The following ZBTB20 variants were observed in gnomAD, a reference collection of about 807,000 sequenced individuals.
ZBTB20 encodes zinc finger and BTB domain containing 20.
A neutral mutation model predicts 56.9 loss-of-function variants in ZBTB20; 9 were observed. That is an observed-to-expected ratio of 0.16 (90% confidence interval 0.10 to 0.28). ZBTB20 has a LOEUF of 0.28. Ranked by LOEUF, ZBTB20 falls within the 10% of genes least tolerant of loss-of-function variation. The pLI, the probability that ZBTB20 is intolerant of heterozygous loss-of-function variation, is 1.00. For synonymous variants in ZBTB20, 417 were observed against 420.7 expected, an observed-to-expected ratio of 0.99 and a Z score of 0.11; for missense variants, 655 against 1,003.0, an observed-to-expected ratio of 0.65 and a Z score of 4.69.
At chr3:114,850,367 T>C (rs184808171) in intron 4 of ZBTB20, among the ~76,000 whole-genome samples, 53 of 152,322 alleles carry the variant, frequency 3.5e-4, no homozygotes, top group African/African-American at 1.2e-3. Context: ...GGTGTGTTCA[T>C]AGCGAGATAG....
chr3:114,346,289 C>T (rs2080180228), intron 11 of ZBTB20, among the ~76,000 whole-genome samples: 1 of 152,146 alleles, frequency 6.6e-6, no homozygotes, highest in South Asian at 2.1e-4. Flanking sequence ...AGCAAAGAAA[C>T]TAAGTGTCTC....
At chr3:114,383,553 G>C (rs2084663179) in intron 8 of ZBTB20, 1 of 152,150 alleles carries the variant, frequency 6.6e-6, no homozygotes, top group South Asian at 2.1e-4. Context: ...CTATAAACAG[G>C]AAATGTTAGC....
At chr3:114,497,896 A>G (rs1246908260) in intron 7 of ZBTB20, among the ~76,000 whole-genome samples, 1 of 152,216 alleles carries the variant, frequency 6.6e-6, no homozygotes, top group Non-Finnish European at 1.5e-5. Context: ...GTAGGAGCCC[A>G]TTAGCAATCT....
chr3:114,958,129 A>C lies in ZBTB20; in HGVS notation c.-456+16237T>G, dbSNP rs2077312270. On this transcript the variant is annotated intron_variant, in intron 3 of 11. Coordinates refer to ENST00000675478, the MANE Select transcript of ZBTB20 (RefSeq NM_001348800.3). ...AAGTGAGATTTTCCTTAAAGCTGTAAAGCCATTTGCTTTGTCAAGCTCCCT... is the reference window on the plus strand; with the variant it reads ...AAGTGAGATTTTCCTTAAAGCTGTACAGCCATTTGCTTTGTCAAGCTCCCT... 2.0e-5 allele frequency among the ~76,000 whole-genome samples: 3 copies of C among 152,218 alleles called. No individual in the cohort carries two copies. In the South Asian group the frequency reaches 6.2e-4, roughly 32 times the overall value.
chr3:114,658,743 C>T (rs1178801673), intron 6 of ZBTB20: 1 of 152,218 alleles, frequency 6.6e-6, no homozygotes, highest in Non-Finnish European at 1.5e-5. Flanking sequence ...ACAGCCTGTT[C>T]ACTTCTGTCC....
intron 6 of ZBTB20, among the ~76,000 whole-genome samples, chr3:114,523,376 T>C (rs540182456): frequency 1.3e-5 from 2 of 152,290 alleles, no homozygotes; most frequent in African/African-American, 4.8e-5. Context: ...ATAGTGACTA[T>C]ACGCATTTCT....
At chr3:114,457,030 G>A (rs1201524111) in intron 7 of ZBTB20, among the ~76,000 whole-genome samples, 1 of 152,184 alleles carries the variant, frequency 6.6e-6, no homozygotes, top group East Asian at 1.9e-4. Flanking sequence ...AAAACACACG[G>A]CCTACAGTTG....
At chr3:114,579,264 G>A (rs139892636) in intron 6 of ZBTB20, among the ~76,000 whole-genome samples, 10 of 151,434 alleles carry the variant, frequency 6.6e-5, no homozygotes, top group Non-Finnish European at 7.4e-5. Context: ...ATTTTAATGC[G>A]TTTAAATTCA....
intron 6 of ZBTB20, among the ~76,000 whole-genome samples, chr3:114,564,819 A>C (rs141326904): frequency 6.9e-4 from 105 of 152,344 alleles, no homozygotes; most frequent in African/African-American, 2.5e-3. Flanking sequence ...TCCTTCAGGC[A>C]CTACATTGAC....
chr3:114,892,084 T>C (rs947486153), intron 4 of ZBTB20, among the ~76,000 whole-genome samples: 1 of 152,144 alleles, frequency 6.6e-6, no homozygotes, highest in Non-Finnish European at 1.5e-5. Flanking sequence ...TATTTCAAAA[T>C]ATATTTTACA....
At chr3:115,013,250 A>G (rs2079798158) in intron 2 of ZBTB20, among the ~76,000 whole-genome samples, 1 of 151,774 alleles carries the variant, frequency 6.6e-6, no homozygotes, top group Non-Finnish European at 1.5e-5. Context: ...AGAAAATAAT[A>G]CAAAAGATCG....
intron 6 of ZBTB20, among the ~76,000 whole-genome samples, chr3:114,663,981 G>A (rs1286169260): frequency 6.6e-6 from 1 of 151,918 alleles, no homozygotes; most frequent in Admixed American, 6.6e-5. Context: ...ACAGATCAAC[G>A]AGACAGGATT....
intron 7 of ZBTB20, among the ~76,000 whole-genome samples, chr3:114,405,195 T>TC (rs1227469495): frequency 4.6e-5 from 7 of 151,906 alleles, no homozygotes; most frequent in Non-Finnish European, 8.8e-5. Context: ...CAGTCTGACT[T>TC]TTTTTTTCCA....
At chr3:114,970,620 C>G (rs548521643) in intron 3 of ZBTB20, among the ~76,000 whole-genome samples, 2 of 152,064 alleles carry the variant, frequency 1.3e-5, no homozygotes, top group African/African-American at 4.8e-5. Flanking sequence ...TCTACTGGTA[C>G]GTAAGTTATG....
intron 7 of ZBTB20, among the ~76,000 whole-genome samples, chr3:114,456,651 G>T (rs1663998023): frequency 6.6e-6 from 1 of 152,194 alleles, no homozygotes; most frequent in Non-Finnish European, 1.5e-5. Flanking sequence ...CCATGAAAGT[G>T]ATGGTATCTT....
chr3:114,946,316 T>C lies in ZBTB20; in HGVS notation c.-456+28050A>G, dbSNP rs2076885559. Among the ~76,000 whole-genome samples, 3 of 145,750 alleles carry C rather than the reference T, an allele frequency of 2.1e-5. No individual in the cohort carries two copies. In the South Asian group the frequency reaches 6.4e-4, roughly 31 times the overall value. On this transcript the variant is annotated intron_variant, in intron 3 of 11. Transcript: ENST00000675478. Reference sequence around the variant, plus strand: ...AGTATTTATATCATATAGAATATCTTCTCTGACCGTAATTGAATTAAGCTC... The same window carrying C: ...AGTATTTATATCATATAGAATATCTCCTCTGACCGTAATTGAATTAAGCTC...
At chr3:114,554,284 C>T (rs1187354812) in intron 6 of ZBTB20, among the ~76,000 whole-genome samples, 1 of 152,176 alleles carries the variant, frequency 6.6e-6, no homozygotes, top group Non-Finnish European at 1.5e-5. Flanking sequence ...TTTCCCATAG[C>T]ACGTGTCCTT....
intron 5 of ZBTB20, among the ~76,000 whole-genome samples, chr3:114,730,973 C>T (rs1483892487): frequency 1.3e-5 from 2 of 152,144 alleles, no homozygotes; most frequent in Non-Finnish European, 2.9e-5. Context: ...GGTCTATCTT[C>T]CATATTATTT....
In ZBTB20 at chr3:114,702,185, GA is replaced by G. The variant is rs373951461; in HGVS notation, c.-342-8611del. Among the ~76,000 whole-genome samples the G allele has an allele frequency of 4.4e-3, 668 of 150,942 alleles. 3 individuals carry two copies. Among genetic ancestry groups the G allele is most frequent in the Non-Finnish European group, 7.9e-3 (532 of 67,592 alleles). The stretch of plus-strand genomic sequence containing the variant: ...GAACCCCATCTCTACAAAACACAGT[GA>G]AAAAAAAATTAGCAGGCATGGTGGC... On this transcript the variant is annotated intron_variant, in intron 5 of 11. Coordinates refer to ENST00000675478, the MANE Select transcript of ZBTB20 (RefSeq NM_001348800.3).
Sources: gnomAD v4.1 joint callset for allele counts (sites outside exome capture counted in the v4.1 genomes callset) on GRCh38, gnomAD v4.1.1 for gene constraint, MANE v1.5 for transcripts, NCBI Gene and HGNC (gene_info 2026-07-23, HGNC 2026-07-21) for gene names.